Variants in ITGA9 observed in about 807,000 individuals in gnomAD.
ITGA9 encodes integrin alpha-9.
ITGA9 carries 56 observed loss-of-function variants against 127.8 expected under a neutral mutation model. The ratio of observed to expected loss-of-function variants is 0.44; its 90% CI spans 0.35 to 0.55. The LOEUF (loss-of-function observed/expected upper bound fraction) is 0.55, where lower values mean the gene tolerates loss of function less well. Ranked by LOEUF, ITGA9 falls within the 20% of genes least tolerant of loss-of-function variation. The probability of loss-of-function intolerance (pLI) is 0.00; values close to 1 mark genes in which losing one functional copy is unlikely to be tolerated. For missense variants in ITGA9, 1,196 were observed against 1,347.1 expected (o/e 0.89, Z 1.76); for synonymous variants, 508 against 514.5 (o/e 0.99, Z 0.17).
intron 18 of ITGA9, among the ~76,000 whole-genome samples, chr3:37,707,799 A>G (rs891363346): frequency 6.6e-6 from 1 of 152,154 alleles, no homozygotes; most frequent in African/African-American, 2.4e-5. Flanking sequence ...TGGGGCTTTA[A>G]CTAAAAAGGA....
chr3:37,587,117 T>C (rs1366087812), intron 15 of ITGA9, among the ~76,000 whole-genome samples: 1 of 152,192 alleles, frequency 6.6e-6, no homozygotes, highest in Admixed American at 6.5e-5. Flanking sequence ...AGCATATCTA[T>C]TTTCTCATTT....
At chr3:37,517,154 A>G (rs563779891) in intron 9 of ITGA9, among the ~76,000 whole-genome samples, 1 of 152,352 alleles carries the variant, frequency 6.6e-6, no homozygotes, top group African/African-American at 2.4e-5. Context: ...AAAAAGTGCT[A>G]TGCCTTAAGG....
chr3:37,631,101 C>G (rs2125636244), intron 16 of ITGA9, among the ~76,000 whole-genome samples: 4 of 152,278 alleles, frequency 2.6e-5, no homozygotes, highest in East Asian at 3.9e-4. Flanking sequence ...AATTATTCTG[C>G]TTTCTAAGGT....
intron 15 of ITGA9, among the ~76,000 whole-genome samples, chr3:37,602,704 G>T: frequency 6.6e-6 from 1 of 151,946 alleles, no homozygotes; most frequent in African/African-American, 2.4e-5. Flanking sequence ...GTTTAATAAT[G>T]GCATTTTGTA....
Position 37,523,368 on chromosome 3 carries a change from A to G in ITGA9, c.1237-153A>G, listed in dbSNP as rs1331209348. Reference sequence around the variant, plus strand: ...AGTGTGTGGCCTTCAACTGCCTGCTAAAGACTTGCTGATCACATTAGGATT... The same window carrying G: ...AGTGTGTGGCCTTCAACTGCCTGCTGAAGACTTGCTGATCACATTAGGATT... On this transcript the variant is annotated intron_variant, in intron 11 of 27. Coordinates refer to ENST00000264741, the MANE Select transcript of ITGA9 (RefSeq NM_002207.3). Among the ~76,000 whole-genome samples the G allele has an allele frequency of 2.0e-5, 3 of 152,314 alleles. No individual in the cohort carries two copies. The South Asian group carries it at 6.2e-4, about 32-fold the overall frequency.
chr3:37,701,671 C>G (rs1031196044), intron 18 of ITGA9, among the ~76,000 whole-genome samples: 4 of 152,200 alleles, frequency 2.6e-5, no homozygotes, highest in African/African-American at 7.2e-5. Context: ...TGAAAAAATG[C>G]AGGTGTCAGC....
At position 37,814,901 on chromosome 3, in the gene ITGA9, T is replaced by TA. The variant is rs1348949918; in HGVS notation, c.3010-3983dup. 6.6e-6 allele frequency among the ~76,000 whole-genome samples: 1 copy of TA among 152,120 alleles called. No individual in the cohort carries two copies. The highest frequency in any genetic ancestry group is 1.5e-5 in the Non-Finnish European group (1 of 68,028). ...GTTTTAAGAAATGGTCTTCAGACTC[T>TA]AAAAAAAGGAAGACATACATCAGTG... On this transcript the variant is annotated intron_variant, in intron 27 of 27. Transcript: ENST00000264741. The surrounding 1 kb of genome is among the most constrained non-coding windows in gnomAD (Gnocchi z 4.3).
chr3:37,629,226 G>A lies in ITGA9; in HGVS notation c.1729G>A (p.Ala577Thr), dbSNP rs760149597. 3 of 1,613,598 alleles carry A rather than the reference G, an allele frequency of 1.9e-6. No homozygotes were observed. Residue 577 changes from alanine to threonine, a missense_variant, in exon 16 of 28, where the codon GCA (alanine) becomes ACA (threonine). Transcript: ENST00000264741. This position sits in a 1 kb window ranked among gnomAD's most constrained non-coding sequence, Gnocchi z 4.5. The stretch of plus-strand genomic sequence containing the variant: ...CGTCATCAGCCCGATCGTGTTTGAA[G>A]CAGCCTACAGCCTCAGTGAGCATGT... The part of the protein sequence containing the change: ...QDVISPIVFE[A>T]AYSLSEHVTG...
intron 23 of ITGA9, among the ~76,000 whole-genome samples, chr3:37,756,921 T>G (rs1696658914): frequency 6.6e-6 from 1 of 152,126 alleles, no homozygotes; most frequent in African/African-American, 2.4e-5. Flanking sequence ...AAATTAACTT[T>G]TTAGAAAAAA....
At chr3:37,775,992 T>C (rs765948235) in intron 23 of ITGA9, among the ~76,000 whole-genome samples, 2 of 152,218 alleles carry the variant, frequency 1.3e-5, no homozygotes, top group Non-Finnish European at 2.9e-5. Flanking sequence ...CATGGAATAC[T>C]ATGCAGCCAT....
intron 23 of ITGA9, among the ~76,000 whole-genome samples, chr3:37,772,767 G>A (rs116650304): frequency 0.013 from 2,000 of 152,244 alleles, 49 homozygotes; most frequent in African/African-American, 0.045. Context: ...TGCTTTCCCC[G>A]ATTGAAGTGA....
At chr3:37,730,800 T>C (rs971550629) in intron 18 of ITGA9, among the ~76,000 whole-genome samples, 1 of 152,158 alleles carries the variant, frequency 6.6e-6, no homozygotes, top group African/African-American at 2.4e-5. Context: ...GGGGAAGGGC[T>C]AAGGAAAGGT....
Position 37,789,804 on chromosome 3 carries a change from C to G in ITGA9, c.2889+4726C>G, listed in dbSNP as rs934652165. 3.7e-5 allele frequency: 9 copies of G among 242,710 alleles called. No individual in the cohort carries two copies. In the Admixed American group the frequency reaches 5.1e-4, roughly 14 times the overall value. The allele number at this position is 242,710 out of a possible 1,614,324, so 15.0% of individuals were successfully genotyped here. ...AAAAAAAAAAAAAAAAGACTATGCT[C>G]TCACAATGAGAGCATTAAACATTTG... On this transcript the variant is annotated intron_variant, in intron 26 of 27. Coordinates refer to ENST00000264741, the MANE Select transcript of ITGA9 (RefSeq NM_002207.3).
chr3:37,517,524 G>C lies in ITGA9; in HGVS notation c.1056G>C (p.Leu352=), dbSNP rs367864917. 58 of 1,596,258 alleles carry C rather than the reference G, an allele frequency of 3.6e-5. No individual in the cohort carries two copies. Among genetic ancestry groups the C allele is most frequent in the Non-Finnish European group, 4.7e-5 (55 of 1,171,178 alleles). Residue 352 remains leucine (L), a synonymous_variant, in exon 10 of 28, where the codon CTG becomes CTC. Transcript: ENST00000264741. ...NRGNGALEEQ[L]ALTGDGAYNA... Reference sequence around the variant, plus strand: ...CCCAGGGAGCCCTCGAGGAGCAGCTGGCTCTGACTGGGGATGGTGCCTACA... The same window carrying C: ...CCCAGGGAGCCCTCGAGGAGCAGCTCGCTCTGACTGGGGATGGTGCCTACA...
chr3:37,674,293 C>T (rs1308361955), intron 17 of ITGA9, among the ~76,000 whole-genome samples: 1 of 152,226 alleles, frequency 6.6e-6, no homozygotes, highest in African/African-American at 2.4e-5. Context: ...GCTCCCAGCC[C>T]ACAGAGGTGA....
chr3:37,581,426 G>A (rs896883946), intron 15 of ITGA9, among the ~76,000 whole-genome samples: 5 of 152,244 alleles, frequency 3.3e-5, no homozygotes, highest in Non-Finnish European at 5.9e-5. Flanking sequence ...GCCCAGGACT[G>A]TGCATGGGGA....
chr3:37,508,961 C>T (rs1199932348), intron 8 of ITGA9, among the ~76,000 whole-genome samples: 1 of 152,186 alleles, frequency 6.6e-6, no homozygotes, highest in Non-Finnish European at 1.5e-5. Flanking sequence ...AACGAATCTC[C>T]ACCTCCAGAG....
chr3:37,463,540 A>G (rs1320713775), intron 1 of ITGA9, among the ~76,000 whole-genome samples: 2 of 152,228 alleles, frequency 1.3e-5, no homozygotes. Context: ...TACCAACAGA[A>G]CAATCAGAGG....
chr3:37,481,032 C>T (rs1698546467), intron 3 of ITGA9, among the ~76,000 whole-genome samples: 1 of 152,190 alleles, frequency 6.6e-6, no homozygotes, highest in African/African-American at 2.4e-5. Flanking sequence ...TATCTCCTTC[C>T]CACCATGGTC....
Sources: allele counts gnomAD v4.1 joint callset (sites outside exome capture counted in the v4.1 genomes callset), GRCh38; gene constraint gnomAD v4.1.1; non-coding constraint Gnocchi (gnomAD v3.1); transcripts MANE v1.5; gene names NCBI Gene and HGNC (gene_info 2026-07-23, HGNC 2026-07-21).